CEP76: variants seen among roughly 807,000 people sequenced by gnomAD.
The protein encoded by CEP76 is centrosomal protein of 76 kDa.
In CEP76, 55 loss-of-function variants were observed where a neutral mutation model predicts 83.3. The ratio of observed to expected loss-of-function variants is 0.66; its 90% CI spans 0.53 to 0.83. CEP76 has a LOEUF of 0.83. Ranked by LOEUF, CEP76 falls within the 40% of genes least tolerant of loss-of-function variation. The pLI is 0.00. For missense variants in CEP76, 694 were observed against 799.5 expected (o/e 0.87, Z 1.59); for synonymous variants, 270 against 274.5 (o/e 0.98, Z 0.16).
chr18:12,694,324 G>A (rs1370538408), intron 6 of CEP76, among the ~76,000 whole-genome samples: 1 of 152,172 alleles, frequency 6.6e-6, no homozygotes, highest in African/African-American at 2.4e-5. Flanking sequence ...GACAGGCAGG[G>A]TGGAGTAAAG....
intron 12 of CEP76, among the ~76,000 whole-genome samples, chr18:12,665,902 G>A (rs949891840): frequency 1.3e-5 from 2 of 152,102 alleles, no homozygotes; most frequent in South Asian, 2.1e-4. Context: ...TCACCATGTT[G>A]GCCAGGCTGG....
At chr18:12,680,377 C>A (rs1396741614) in intron 9 of CEP76, among the ~76,000 whole-genome samples, 2 of 151,870 alleles carry the variant, frequency 1.3e-5, no homozygotes, top group East Asian at 3.9e-4. Context: ...AGGTGGATCA[C>A]CTAAGGTCAG....
intron 7 of CEP76, among the ~76,000 whole-genome samples, chr18:12,688,346 C>G (rs1035552859): frequency 5.3e-5 from 8 of 151,384 alleles, no homozygotes; most frequent in African/African-American, 1.9e-4. Context: ...TACTACTATA[C>G]TATAGCAAAA....
chr18:12,662,902 A>G (rs2038725609), intron 12 of CEP76, among the ~76,000 whole-genome samples: 1 of 152,248 alleles, frequency 6.6e-6, no homozygotes, highest in Admixed American at 6.5e-5. Context: ...ATCACGTTTC[A>G]CCTACTTAAT....
rs766996601 is a variant in CEP76, at chr18:12,699,032, C to T, written c.467G>A (p.Cys156Tyr). The T allele has an allele frequency of 6.2e-7, 1 of 1,613,846 alleles. No homozygotes were observed. Among genetic ancestry groups the T allele is most frequent in the South Asian group, 1.1e-5 (1 of 91,062 alleles). The change falls in exon 4 of 12, where the codon TGT becomes TAT. Residue 156 changes from cysteine to tyrosine, a missense_variant. Physicochemically the swap from Cys to Tyr is radical, Grantham distance 194 (BLOSUM62 -2). Transcript: ENST00000262127. ...RFRSKPVPCA[C>Y]EPDFHDGFLL... is the part of the protein sequence containing the mutation. The stretch of plus-strand genomic sequence containing the variant: ...AAAGCCATCATGAAAATCTGGTTCA[C>T]AGGCACATGGAACAGGTTTAGAACG...
Position 12,702,409 on chromosome 18 carries a change from T to A in CEP76, c.63+77A>T, listed in dbSNP as rs2040190617. The stretch of plus-strand genomic sequence containing the variant: ...CAGTCCCGGCAAGCAGATGCCGCTG[T>A]CGGCCCGGGGCCGCCGGGCAGGAGG... On this transcript the variant is annotated intron_variant, in intron 1 of 11. Transcript: ENST00000262127. The A allele has an allele frequency of 4.4e-6, 5 of 1,134,236 alleles. No homozygotes were observed. The Admixed American group carries it at 5.5e-5, about 12-fold the overall frequency. 70.3% of individuals were successfully genotyped at this position (1,134,236 alleles called of 1,614,324 possible).
intron 9 of CEP76, 95 bp from the exon 10 acceptor site, chr18:12,678,537 A>G (rs929102566): frequency 6.9e-6 from 5 of 720,226 alleles, no homozygotes; most frequent in Non-Finnish European, 1.1e-5. Context: ...GGCCATAACT[A>G]CTTCTCAGAA....
chr18:12,699,971 T>A, intron 2 of CEP76, 66 bp from the exon 3 acceptor site: 1 of 1,044,330 alleles, frequency 9.6e-7, no homozygotes, highest in Non-Finnish European at 1.4e-6. Flanking sequence ...GAAATGTCAA[T>A]AAACATGACT....
At chr18:12,662,746 C>T (rs895008830) in intron 12 of CEP76, among the ~76,000 whole-genome samples, 9 of 152,190 alleles carry the variant, frequency 5.9e-5, no homozygotes, top group Admixed American at 5.9e-4. Flanking sequence ...CACTGCCCTC[C>T]AGCCTGGGCG....
At chr18:12,699,255 T>C (rs1343011757) in intron 3 of CEP76, 52 bp from the exon 4 acceptor site, 2 of 1,260,604 alleles carry the variant, frequency 1.6e-6, no homozygotes, top group African/African-American at 1.5e-5. Flanking sequence ...CTTAAAAGAA[T>C]GTGATCAAGA....
Position 12,696,418 on chromosome 18 carries a change from G to A in CEP76, c.706+805C>T, listed in dbSNP as rs1314123885. Among the ~76,000 whole-genome samples the A allele has an allele frequency of 2.6e-5, 4 of 152,034 alleles. No individual in the cohort carries two copies. The East Asian group carries it at 5.8e-4, about 22-fold the overall frequency. On this transcript the variant is annotated intron_variant, in intron 5 of 11. Coordinates refer to ENST00000262127, the MANE Select transcript of CEP76 (RefSeq NM_024899.4). ...CTTAGCAGGCTGAGCCAGTATAATC[G>A]CTTGAACCCAGGAGGCGGGGGTTGC...
At chr18:12,662,158 A>G (rs1948864151) in exon 13 of CEP76, 1 of 451,146 alleles carries the variant, frequency 2.2e-6, no homozygotes, top group Non-Finnish European at 4.4e-6. Context: ...TGCTCCTAAG[A>G]GGCACATTCA....
chr18:12,669,755 C>T (rs906686811), downstream of CEP76, among the ~76,000 whole-genome samples: 4 of 152,174 alleles, frequency 2.6e-5, no homozygotes, highest in Non-Finnish European at 5.9e-5. Flanking sequence ...AATCCCAGCA[C>T]TTTGGGAGGC....
chr18:12,665,756 G>A (rs891563684), intron 12 of CEP76, among the ~76,000 whole-genome samples: 3 of 151,932 alleles, frequency 2.0e-5, no homozygotes, highest in African/African-American at 7.3e-5. Context: ...GGAGTGCATT[G>A]GCACAATCTC....
In CEP76 at chr18:12,693,025, T is replaced by C. The variant is rs569023636; in HGVS notation, c.805-1538A>G. 1.5e-4 allele frequency among the ~76,000 whole-genome samples: 23 copies of C among 152,316 alleles called. No homozygotes were observed. In the South Asian group the frequency reaches 4.8e-3, roughly 32 times the overall value. On this transcript the variant is annotated intron_variant, in intron 6 of 11. Coordinates refer to ENST00000262127, the MANE Select transcript of CEP76 (RefSeq NM_024899.4). ...TTTTTGTAGAGATGAAGTCTACCTATGTTGCCCAGGCTGGTCTTGAACTCC... is the reference window on the plus strand; with the variant it reads ...TTTTTGTAGAGATGAAGTCTACCTACGTTGCCCAGGCTGGTCTTGAACTCC...
chr18:12,686,071 TTTA>T, intron 8 of CEP76, 188 bp downstream of exon 8: 1 of 476,410 alleles, frequency 2.1e-6, no homozygotes, highest in Non-Finnish European at 3.7e-6. Context: ...TGTACTATTT[TTTA>T]TTATTGTAAT....
At chr18:12,694,984 G>A (rs969201323) in intron 6 of CEP76, among the ~76,000 whole-genome samples, 1 of 151,936 alleles carries the variant, frequency 6.6e-6, no homozygotes, top group Admixed American at 6.6e-5. Flanking sequence ...CAAAGTGCTG[G>A]GACTACAGGC....
In CEP76 at chr18:12,697,315, G is replaced by A. The variant is rs1203758039; in HGVS notation, c.614C>T (p.Thr205Met). The change falls in exon 5 of 12, where the codon ACG (threonine) becomes ATG (methionine). Residue 205 changes from threonine to methionine, a missense_variant. Coordinates refer to ENST00000262127, the MANE Select transcript of CEP76 (RefSeq NM_024899.4). ...VLIKTDIFGE[T>M]TLVASYFLEW... ...CAGAAAATATGATGCTACTAAAGTC[G>A]TCTCACCAAATATGTCTGTTTTGAT... 8.7e-6 allele frequency: 14 copies of A among 1,613,704 alleles called. No individual in the cohort carries two copies. The highest frequency in any genetic ancestry group is 3.3e-4 in the Middle Eastern group (2 of 6,060).
In CEP76 at chr18:12,672,742, T is replaced by G; in HGVS notation, c.*623A>C. 3 of 973,074 alleles carry G rather than the reference T, an allele frequency of 3.1e-6. No homozygotes were observed. Among genetic ancestry groups the G allele is most frequent in the Non-Finnish European group, 3.7e-6 (3 of 818,500 alleles). 60.3% of individuals were successfully genotyped at this position (973,074 alleles called of 1,614,324 possible). On this transcript the variant is annotated 3_prime_UTR_variant, in exon 12 of 12. Coordinates refer to ENST00000262127, the MANE Select transcript of CEP76 (RefSeq NM_024899.4). ...AATCACAGTGATAAATATTTCTAAATGATTCATGTACTTTCATATGAGGTT... is the reference window on the plus strand; with the variant it reads ...AATCACAGTGATAAATATTTCTAAAGGATTCATGTACTTTCATATGAGGTT...
Sources: allele counts gnomAD v4.1 joint callset (sites outside exome capture counted in the v4.1 genomes callset), GRCh38; gene constraint gnomAD v4.1.1; transcripts MANE v1.5; gene names NCBI Gene and HGNC (gene_info 2026-07-23, HGNC 2026-07-21).